Variants in GPHN observed in about 807,000 individuals in gnomAD.
GPHN encodes gephyrin.
A neutral mutation model predicts 95.5 loss-of-function variants in GPHN; 17 were observed. The observed-to-expected ratio is 0.18, with a 90% CI of 0.12 to 0.27. The LOEUF is 0.27. Ranked by LOEUF, GPHN falls within the 10% of genes least tolerant of loss-of-function variation. The pLI is 1.00. For missense variants in GPHN, 660 were observed against 978.1 expected (o/e 0.67, Z 4.34); for synonymous variants, 320 against 322.5 (o/e 0.99, Z 0.08).
chr14:67,009,145 T>C (rs534636501), intron 9 of GPHN, among the ~76,000 whole-genome samples: 1 of 152,336 alleles, frequency 6.6e-6, no homozygotes, highest in African/African-American at 2.4e-5. Flanking sequence ...ATCACCTGTC[T>C]CTTTATTTCT....
chr14:67,003,418 TA>T (rs771858364), intron 9 of GPHN, among the ~76,000 whole-genome samples: 6 of 151,740 alleles, frequency 4.0e-5, no homozygotes, highest in Non-Finnish European at 7.4e-5. Flanking sequence ...CTACTAATTG[TA>T]ACATTATTTC....
chr14:66,909,728 A>C (rs2065573641), intron 5 of GPHN, among the ~76,000 whole-genome samples: 1 of 152,022 alleles, frequency 6.6e-6, no homozygotes, highest in African/African-American at 2.4e-5. Context: ...TAAAGTTAGG[A>C]ATAAGACAGA....
chr14:66,923,307 A>G (rs950370284), intron 7 of GPHN, among the ~76,000 whole-genome samples: 1 of 152,078 alleles, frequency 6.6e-6, no homozygotes, highest in East Asian at 1.9e-4. Context: ...AGGAACAGCA[A>G]ACTGAAGGTA....
the GPHN span, among the ~76,000 whole-genome samples, chr14:67,517,628 C>T: frequency 6.6e-6 from 1 of 152,160 alleles, no homozygotes; most frequent in African/African-American, 2.4e-5. Flanking sequence ...CTACTTTCTC[C>T]AGCTCTCCAG....
chr14:66,943,454 T>C (rs2067543668), intron 8 of GPHN, among the ~76,000 whole-genome samples: 1 of 152,248 alleles, frequency 6.6e-6, no homozygotes, highest in South Asian at 2.1e-4. Flanking sequence ...TTACCATTTA[T>C]GGAGCAGGCA....
intron 9 of GPHN, among the ~76,000 whole-genome samples, chr14:66,974,587 T>C (rs1408800463): frequency 6.6e-6 from 1 of 152,140 alleles, no homozygotes. Flanking sequence ...AATTAACATT[T>C]TATAGCTAAG....
chr14:67,313,328 A>G, the GPHN span, among the ~76,000 whole-genome samples: 3 of 152,214 alleles, frequency 2.0e-5, no homozygotes, highest in Admixed American at 2.0e-4. Context: ...ATGTGCCATT[A>G]GGTGATTTCA....
chr14:66,729,904 G>T (rs1205252539), intron 2 of GPHN, among the ~76,000 whole-genome samples: 1 of 152,166 alleles, frequency 6.6e-6, no homozygotes, highest in Non-Finnish European at 1.5e-5. Flanking sequence ...AGTTACACTA[G>T]TTCTGATCTG....
intron 11 of GPHN, among the ~76,000 whole-genome samples, chr14:67,080,824 G>C (rs2076665986): frequency 6.6e-6 from 1 of 151,960 alleles, no homozygotes; most frequent in Non-Finnish European, 1.5e-5. Flanking sequence ...CATCTTCATG[G>C]CTTAGCTCCC....
chr14:66,898,290 G>A (rs1185668597), intron 5 of GPHN, among the ~76,000 whole-genome samples: 1 of 151,436 alleles, frequency 6.6e-6, no homozygotes, highest in African/African-American at 2.4e-5. Context: ...CTAGGCAAAG[G>A]TCCAAAGACT....
chr14:67,047,843 G>A (rs893124405), intron 10 of GPHN, among the ~76,000 whole-genome samples: 7 of 152,118 alleles, frequency 4.6e-5, no homozygotes, highest in African/African-American at 1.7e-4. Flanking sequence ...CACCTGTGGT[G>A]CCAGCTACTC....
At chr14:67,576,591 C>A in the GPHN span, 1 of 683,482 alleles carries the variant, frequency 1.5e-6, no homozygotes. The surrounding 1 kb of genome is among the most constrained non-coding windows in gnomAD (Gnocchi z 4.0). Context: ...CAGTGTTGTA[C>A]CCTGAAGCTG....
chr14:66,833,241 C>A lies in GPHN; in HGVS notation c.294+8675C>A, dbSNP rs547328033. ...TGGAAGTTGAAGCAAACACATCCTT[C>A]TTCACATGGCGGCAGCAAGTAGAAG... is the stretch of plus-strand genomic sequence containing the variant. On this transcript the variant is annotated intron_variant, in intron 4 of 22. Coordinates refer to ENST00000478722, the MANE Select transcript of GPHN (RefSeq NM_020806.5). 2.0e-5 allele frequency among the ~76,000 whole-genome samples: 3 copies of A among 152,272 alleles called. No homozygotes were observed. In the South Asian group the frequency reaches 6.2e-4, roughly 32 times the overall value.
the GPHN span, chr14:67,473,104 G>A: frequency 8.4e-6 from 3 of 358,918 alleles, no homozygotes; most frequent in South Asian, 3.2e-5. This position sits in a 1 kb window ranked among gnomAD's most constrained non-coding sequence, Gnocchi z 6.5. Context: ...CCAGGACAGG[G>A]CCTGCTGCTT....
chr14:67,678,155 G>GA, the GPHN span: 2 of 561,808 alleles, frequency 3.6e-6, no homozygotes, highest in African/African-American at 3.8e-5. Context: ...ACATTTAGAC[G>GA]AATCTGGCAG....
At chr14:67,112,990 C>G (rs771198151) in intron 15 of GPHN, 28 bp from the exon 16 acceptor site, 3 of 1,610,658 alleles carry the variant, frequency 1.9e-6, no homozygotes, top group African/African-American at 1.3e-5. Context: ...TCTAATCACA[C>G]TGCTTATGGT....
At chr14:67,059,301 A>G (rs915219765) in intron 11 of GPHN, among the ~76,000 whole-genome samples, 1 of 152,182 alleles carries the variant, frequency 6.6e-6, no homozygotes, top group African/African-American at 2.4e-5. Context: ...TTTGTTTTTA[A>G]TTAACAACTT....
chr14:67,568,121 G>C, the GPHN span, among the ~76,000 whole-genome samples: 3 of 152,068 alleles, frequency 2.0e-5, no homozygotes, highest in African/African-American at 7.2e-5. Flanking sequence ...TCCTGCAGGG[G>C]AAAAAACGTG....
At chr14:67,727,481 T>G in the GPHN span, 8,938 of 347,870 alleles carry the variant, frequency 0.026, 198 homozygotes, top group African/African-American at 0.032. Flanking sequence ...TTTTTGTTTT[T>G]TTTGTTTTTT....
Sources: allele counts gnomAD v4.1 joint callset (sites outside exome capture counted in the v4.1 genomes callset), GRCh38; gene constraint gnomAD v4.1.1; non-coding constraint Gnocchi (gnomAD v3.1); transcripts MANE v1.5; gene names NCBI Gene and HGNC (gene_info 2026-07-23, HGNC 2026-07-21).